Variants in CDH9 observed in about 807,000 individuals in gnomAD.
CDH9 encodes the protein cadherin-9.
In CDH9, 28 loss-of-function variants were observed where a neutral mutation model predicts 70.9. The ratio of observed to expected loss-of-function variants is 0.40; its 90% CI spans 0.29 to 0.54. CDH9 has a LOEUF of 0.54. Ranked by LOEUF, CDH9 falls within the 20% of genes least tolerant of loss-of-function variation. The pLI is 0.59. For synonymous variants in CDH9, 409 were observed against 343.1 expected (o/e 1.19, Z -2.12); for missense variants, 874 against 984.4 (o/e 0.89, Z 1.50).
intron 2 of CDH9, among the ~76,000 whole-genome samples, chr5:26,942,174 G>T (rs1412464881): frequency 6.6e-6 from 1 of 152,202 alleles, no homozygotes; most frequent in Non-Finnish European, 1.5e-5. Flanking sequence ...CATGGTGGCA[G>T]AAAGAAGTGT....
At chr5:26,958,394 G>T (rs1741980368) in intron 2 of CDH9, among the ~76,000 whole-genome samples, 1 of 152,092 alleles carries the variant, frequency 6.6e-6, no homozygotes, top group Non-Finnish European at 1.5e-5. Context: ...TTTCTTGTTG[G>T]TTTAACTAAA....
intron 2 of CDH9, among the ~76,000 whole-genome samples, chr5:26,977,134 T>C (rs1742314060): frequency 1.3e-5 from 2 of 152,066 alleles, no homozygotes; most frequent in African/African-American, 4.8e-5. Flanking sequence ...AATGCCATTA[T>C]GACAATTTCT....
At chr5:26,934,580 G>A (rs903081626) in intron 2 of CDH9, among the ~76,000 whole-genome samples, 6 of 152,204 alleles carry the variant, frequency 3.9e-5, no homozygotes, top group South Asian at 4.1e-4. Context: ...CTCCAACCAT[G>A]GGGATCACAT....
At chr5:26,888,333 A>G (rs1740599407) in intron 9 of CDH9, among the ~76,000 whole-genome samples, 1 of 152,184 alleles carries the variant, frequency 6.6e-6, no homozygotes, top group African/African-American at 2.4e-5. Context: ...AAGAAAGAGT[A>G]CCAGGTGGTA....
intron 11 of CDH9, 100 bp downstream of exon 11, chr5:26,885,514 T>G: frequency 1.0e-6 from 1 of 1,001,842 alleles, no homozygotes; most frequent in South Asian, 1.6e-5. Context: ...AAATGTTCTA[T>G]CTTTATCTAT....
intron 2 of CDH9, among the ~76,000 whole-genome samples, chr5:26,985,364 A>G (rs1196958182): frequency 6.6e-6 from 1 of 152,222 alleles, no homozygotes; most frequent in East Asian, 1.9e-4. Flanking sequence ...CCCAACAAGA[A>G]TCTGAGGGTT....
rs1241789941 is a variant in CDH9, at chr5:27,031,958, G to T, written c.-50+6505C>A. Reference sequence around the variant, plus strand: ...TTCTAAAATCACAAATGATTCCAAAGTTGAAACTTACTTTCCTATTTAAAT... The same window carrying T: ...TTCTAAAATCACAAATGATTCCAAATTTGAAACTTACTTTCCTATTTAAAT... On this transcript the variant is annotated intron_variant, in intron 1 of 11. Coordinates refer to ENST00000231021, the MANE Select transcript of CDH9 (RefSeq NM_016279.4). Among the ~76,000 whole-genome samples, 3 of 151,904 alleles carry T rather than the reference G, an allele frequency of 2.0e-5. No individual in the cohort carries two copies. In the South Asian group the frequency reaches 6.2e-4, roughly 32 times the overall value.
rs1249538221 is a variant in CDH9, at chr5:26,973,408, T to C, written c.228+14698A>G. On this transcript the variant is annotated intron_variant, in intron 2 of 11. Coordinates refer to ENST00000231021, the MANE Select transcript of CDH9 (RefSeq NM_016279.4). ...GTATCATTTTCTTTTGTACATTAGCTTACAATCCCCTTTTTAGTATCTATT... is the reference window on the plus strand; with the variant it reads ...GTATCATTTTCTTTTGTACATTAGCCTACAATCCCCTTTTTAGTATCTATT... Among the ~76,000 whole-genome samples, 3 of 152,252 alleles carry C rather than the reference T, an allele frequency of 2.0e-5. 1 individual carries two copies. The East Asian group carries it at 5.8e-4, about 29-fold the overall frequency.
rs896718341 is a variant in CDH9 at position 26,932,634 on chromosome 5, A to G, written c.229-16710T>C. Among the ~76,000 whole-genome samples, 2 of 152,074 alleles carry G rather than the reference A, an allele frequency of 1.3e-5. 1 individual carries two copies. Among genetic ancestry groups the G allele is most frequent in the South Asian group, 4.1e-4 (2 of 4,836 alleles). ...CGGAATGTCTTTATCTCTTTAATCT[A>G]TATTTGACTTTATATTTAAAGCGTG... On this transcript the variant is annotated intron_variant, in intron 2 of 11. Coordinates refer to ENST00000231021, the MANE Select transcript of CDH9 (RefSeq NM_016279.4).
chr5:26,945,250 A>C (rs917707135), intron 2 of CDH9, among the ~76,000 whole-genome samples: 1 of 151,620 alleles, frequency 6.6e-6, no homozygotes, highest in Non-Finnish European at 1.5e-5. Flanking sequence ...ACTAATATCC[A>C]ATGGCTACTG....
intron 1 of CDH9, among the ~76,000 whole-genome samples, chr5:26,988,867 C>T (rs1006320672): frequency 1.3e-5 from 2 of 151,966 alleles, no homozygotes; most frequent in East Asian, 3.9e-4. Flanking sequence ...TACAATCCTC[C>T]TCATCCATCA....
intron 2 of CDH9, among the ~76,000 whole-genome samples, chr5:26,980,463 T>G (rs1358261103): frequency 1.3e-5 from 2 of 151,930 alleles, no homozygotes; most frequent in African/African-American, 4.8e-5. Context: ...GAAAAAAATG[T>G]TTAAAGAAAG....
chr5:26,989,255 T>G (rs991968836), intron 1 of CDH9, among the ~76,000 whole-genome samples: 1 of 152,038 alleles, frequency 6.6e-6, no homozygotes, highest in African/African-American at 2.4e-5. Flanking sequence ...TATTTCAGAA[T>G]TGATTTTATT....
chr5:26,935,325 C>G (rs993532111), intron 2 of CDH9, among the ~76,000 whole-genome samples: 1 of 152,062 alleles, frequency 6.6e-6, no homozygotes, highest in Non-Finnish European at 1.5e-5. Flanking sequence ...ACATGAGAAA[C>G]AAGGCAAGAA....
intron 1 of CDH9, among the ~76,000 whole-genome samples, chr5:27,022,632 G>A (rs1451644243): frequency 6.6e-6 from 1 of 152,138 alleles, no homozygotes; most frequent in Non-Finnish European, 1.5e-5. Flanking sequence ...AATGCCAGAT[G>A]TGACTGTCTT....
chr5:26,966,256 A>G (rs6890505), intron 2 of CDH9, among the ~76,000 whole-genome samples: 43,261 of 151,906 alleles, frequency 0.28, 8,907 homozygotes, highest in African/African-American at 0.58. Context: ...CATGAGATTG[A>G]CTCTGGCAAG....
chr5:26,955,720 C>A (rs565779596), intron 2 of CDH9, among the ~76,000 whole-genome samples: 1 of 152,172 alleles, frequency 6.6e-6, no homozygotes, highest in East Asian at 1.9e-4. Context: ...TATTTAGGAG[C>A]CATCATTCAT....
chr5:26,897,855 T>A (rs1325826719), intron 7 of CDH9, among the ~76,000 whole-genome samples: 1 of 152,166 alleles, frequency 6.6e-6, no homozygotes, highest in Non-Finnish European at 1.5e-5. Context: ...ATAAAGGGTA[T>A]TCAAGTAGGA....
intron 2 of CDH9, among the ~76,000 whole-genome samples, chr5:26,943,384 G>A (rs1432252754): frequency 6.6e-6 from 1 of 151,966 alleles, no homozygotes; most frequent in Admixed American, 6.6e-5. Flanking sequence ...GTGGTGGCTT[G>A]TGCCTGTAAT....
Sources: gnomAD v4.1 joint callset for allele counts (sites outside exome capture counted in the v4.1 genomes callset) on GRCh38, gnomAD v4.1.1 for gene constraint, MANE v1.5 for transcripts, NCBI Gene and HGNC (gene_info 2026-07-23, HGNC 2026-07-21) for gene names.